LRFN5: variants seen among roughly 807,000 people sequenced by gnomAD.
The protein encoded by LRFN5 is leucine rich repeat and fibronectin type III domain containing 5.
Under a neutral mutation model 45.6 loss-of-function variants are expected in LRFN5, and 24 were observed. That is an observed-to-expected ratio of 0.53 (90% CI 0.38 to 0.74). LRFN5 has a LOEUF of 0.74. Ranked by LOEUF, LRFN5 falls within the 30% of genes least tolerant of loss-of-function variation. The pLI is 0.00. For synonymous variants in LRFN5, 340 were observed against 313.8 expected, an observed-to-expected ratio of 1.08 and a Z score of -0.88; for missense variants, 776 against 861.5, an observed-to-expected ratio of 0.90 and a Z score of 1.24.
At chr14:41,666,597 A>T (rs1463936932) in intron 1 of LRFN5, among the ~76,000 whole-genome samples, 3 of 152,178 alleles carry the variant, frequency 2.0e-5, no homozygotes, top group Non-Finnish European at 4.4e-5. Context: ...AATGCAAGAT[A>T]GAGTTAATTT....
intron 1 of LRFN5, among the ~76,000 whole-genome samples, chr14:41,666,516 A>G (rs539154148): frequency 2.0e-5 from 3 of 152,274 alleles, no homozygotes; most frequent in East Asian, 1.9e-4. Context: ...TTCATACTAT[A>G]GATTTTGCAT....
chr14:41,732,730 T>C (rs1057284795), intron 1 of LRFN5, among the ~76,000 whole-genome samples: 3 of 150,576 alleles, frequency 2.0e-5, no homozygotes, highest in Admixed American at 2.0e-4. Flanking sequence ...AAAGATGAGA[T>C]AGTTCAAGAA....
At chr14:41,893,175 C>G in intron 4 of LRFN5, 1 of 982,258 alleles carries the variant, frequency 1.0e-6, no homozygotes, top group South Asian at 4.7e-5. Flanking sequence ...AACTAGAAAT[C>G]ATGCTGCTTA....
intron 2 of LRFN5, among the ~76,000 whole-genome samples, chr14:41,850,073 G>A (rs1336226896): frequency 6.6e-6 from 1 of 151,848 alleles, no homozygotes; most frequent in African/African-American, 2.4e-5. Context: ...GTAATAATAT[G>A]TGCATGTATA....
chr14:41,687,442 A>T (rs1298307531), intron 1 of LRFN5, among the ~76,000 whole-genome samples: 1 of 152,222 alleles, frequency 6.6e-6, no homozygotes. Flanking sequence ...TTCCTCAAGG[A>T]TCTAGAACCA....
At chr14:41,816,272 T>C (rs1240023983) in intron 2 of LRFN5, among the ~76,000 whole-genome samples, 1 of 152,108 alleles carries the variant, frequency 6.6e-6, no homozygotes, top group Non-Finnish European at 1.5e-5. Context: ...TATATATGCA[T>C]AGATTATTGA....
intron 1 of LRFN5, among the ~76,000 whole-genome samples, chr14:41,744,712 T>C (rs1584316): frequency 0.76 from 115,518 of 152,002 alleles, 44,276 homozygotes; most frequent in East Asian, 0.97. Flanking sequence ...ATATTTCATG[T>C]AAATATTAAC....
intron 1 of LRFN5, among the ~76,000 whole-genome samples, chr14:41,635,016 A>G (rs1052957786): frequency 2.0e-5 from 3 of 152,098 alleles, no homozygotes; most frequent in Non-Finnish European, 2.9e-5. Context: ...ATAGAAGGCA[A>G]TCTTTACAAT....
intron 2 of LRFN5, among the ~76,000 whole-genome samples, chr14:41,859,335 A>G (rs17181783): frequency 0.25 from 37,713 of 152,124 alleles, 5,038 homozygotes; most frequent in South Asian, 0.38. Flanking sequence ...TTCACTTTCT[A>G]TGTTCCCTGT....
intron 1 of LRFN5, among the ~76,000 whole-genome samples, chr14:41,630,721 T>C (rs1180295281): frequency 6.6e-6 from 1 of 152,144 alleles, no homozygotes; most frequent in African/African-American, 2.4e-5. Flanking sequence ...GCTTCAATCA[T>C]GGGACATAAA....
intron 1 of LRFN5, among the ~76,000 whole-genome samples, chr14:41,763,469 TTC>T (rs1372407591): frequency 6.6e-6 from 1 of 152,174 alleles, no homozygotes; most frequent in Admixed American, 6.5e-5. Flanking sequence ...TCTAAGTTCT[TTC>T]TGAGTTTAGT....
chr14:41,728,244 T>G (rs1456780434), intron 1 of LRFN5, among the ~76,000 whole-genome samples: 1 of 152,090 alleles, frequency 6.6e-6, no homozygotes, highest in East Asian at 1.9e-4. Context: ...TGCTTCTGTT[T>G]GAAGAAAACA....
rs988743751 is a variant in LRFN5 at position 41,894,114 on chromosome 14, C to G, written c.2098+2152C>G. The G allele has an allele frequency of 3.1e-6, 3 of 983,570 alleles. No homozygotes were observed. In the African/African-American group the frequency reaches 5.2e-5, roughly 17 times the overall value. 60.9% of individuals were successfully genotyped at this position (983,570 alleles called of 1,614,324 possible). A position where few individuals can be genotyped will look rare whatever the true frequency, so the allele number is the denominator to read the frequency against. ...CATAGTATTAAAAATATTGAACATA[C>G]AAAAGCTTGCAAGACTTAAAGAAAT... On this transcript the variant is annotated intron_variant, in intron 4 of 5. Coordinates refer to ENST00000298119, the MANE Select transcript of LRFN5 (RefSeq NM_152447.5).
At chr14:41,652,801 T>C (rs1362824288) in intron 1 of LRFN5, among the ~76,000 whole-genome samples, 1 of 152,170 alleles carries the variant, frequency 6.6e-6, no homozygotes, top group Non-Finnish European at 1.5e-5. Context: ...CATTCCTTTT[T>C]CTCCACAACA....
intron 1 of LRFN5, among the ~76,000 whole-genome samples, chr14:41,627,182 G>T (rs1221941352): frequency 1.3e-5 from 2 of 151,750 alleles, no homozygotes; most frequent in Non-Finnish European, 2.9e-5. Context: ...TCTTTTTAGC[G>T]TGTACAATTT....
chr14:41,784,575 T>C (rs1233119809), intron 2 of LRFN5, among the ~76,000 whole-genome samples: 2 of 152,032 alleles, frequency 1.3e-5, no homozygotes, highest in African/African-American at 4.8e-5. Flanking sequence ...AATGTTTTCA[T>C]TTTTTCTTCA....
chr14:41,613,679 G>T (rs1393235716), intron 1 of LRFN5, among the ~76,000 whole-genome samples: 1 of 151,688 alleles, frequency 6.6e-6, no homozygotes, highest in Admixed American at 6.6e-5. Context: ...AATGATTAAG[G>T]TTTCAGCATA....
chr14:41,754,355 G>C (rs1441218026), intron 1 of LRFN5, among the ~76,000 whole-genome samples: 1 of 152,106 alleles, frequency 6.6e-6, no homozygotes, highest in Admixed American at 6.6e-5. Context: ...GCTCCTCCTT[G>C]TACCTCTGGT....
chr14:41,647,774 G>T (rs1879887846), intron 1 of LRFN5, among the ~76,000 whole-genome samples: 1 of 152,070 alleles, frequency 6.6e-6, no homozygotes, highest in African/African-American at 2.4e-5. Flanking sequence ...AGATTTGATA[G>T]TCATCCAGTT....
Sources: gnomAD v4.1 joint callset for allele counts (sites outside exome capture counted in the v4.1 genomes callset) on GRCh38, gnomAD v4.1.1 for gene constraint, MANE v1.5 for transcripts, NCBI Gene and HGNC (gene_info 2026-07-23, HGNC 2026-07-21) for gene names.